The following CYP4F22 variants were observed in gnomAD, a reference collection of about 807,000 sequenced individuals.
CYP4F22 encodes cytochrome P450 family 4 subfamily F member 22, also known as ultra-long-chain fatty acid omega-hydroxylase.
CYP4F22 carries 37 observed loss-of-function variants against 60.4 expected under a neutral mutation model. That is an observed-to-expected ratio of 0.61 (90% CI 0.47 to 0.81). The LOEUF (loss-of-function observed/expected upper bound fraction) is 0.81, where lower values mean the gene tolerates loss of function less well. Ranked by LOEUF, CYP4F22 falls within the 30% of genes least tolerant of loss-of-function variation. The pLI is 0.00. For synonymous variants in CYP4F22, 258 were observed against 280.5 expected (o/e 0.92, Z 0.80); for missense variants, 655 against 715.0 (o/e 0.92, Z 0.96).
chr19:15,514,758 A>G (rs552426079), intron 1 of CYP4F22, among the ~76,000 whole-genome samples: 6 of 152,364 alleles, frequency 3.9e-5, no homozygotes, highest in African/African-American at 1.2e-4. Context: ...TACCAATAAA[A>G]AGGAAATAAT....
chr19:15,533,660 T>C (rs1372962287), intron 4 of CYP4F22, among the ~76,000 whole-genome samples: 1 of 146,112 alleles, frequency 6.8e-6, no homozygotes, highest in South Asian at 2.1e-4. Context: ...TGCAGTGGTG[T>C]AGCCATAACT....
At chr19:15,529,274 G>A (rs776095458) in intron 3 of CYP4F22, among the ~76,000 whole-genome samples, 2 of 151,738 alleles carry the variant, frequency 1.3e-5, no homozygotes, top group Non-Finnish European at 2.9e-5. Flanking sequence ...GATTACAGGC[G>A]CCCACCACCA....
intron 1 of CYP4F22, among the ~76,000 whole-genome samples, chr19:15,510,802 A>G (rs1393076672): frequency 1.4e-5 from 2 of 142,016 alleles, no homozygotes; most frequent in African/African-American, 5.3e-5. Flanking sequence ...TTAGAAATTT[A>G]GAGTGCTGAG....
At chr19:15,523,833 G>T (rs1024388559) in intron 2 of CYP4F22, 34 bp downstream of exon 2, 10 of 152,160 alleles carry the variant, frequency 6.6e-5, no homozygotes, top group African/African-American at 2.4e-4. Flanking sequence ...CACATGTTCA[G>T]AGTAGCATAT....
intron 1 of CYP4F22, chr19:15,516,570 G>A (rs544537721): frequency 6.2e-5 from 16 of 257,352 alleles, no homozygotes; most frequent in Middle Eastern, 2.5e-3. Context: ...GCCTTGCTGA[G>A]AAAACTTATT....
intron 7 of CYP4F22, among the ~76,000 whole-genome samples, chr19:15,538,840 T>C (rs1162723003): frequency 6.6e-6 from 1 of 152,124 alleles, no homozygotes; most frequent in Non-Finnish European, 1.5e-5. Context: ...AACACCATAT[T>C]CAACAAGAAA....
intron 1 of CYP4F22, among the ~76,000 whole-genome samples, chr19:15,520,071 G>C (rs561047573): frequency 2.6e-5 from 4 of 152,274 alleles, no homozygotes; most frequent in African/African-American, 9.6e-5. Context: ...TCAGCCCGGC[G>C]TGGTGGCTCA....
chr19:15,542,159 T>C, intron 8 of CYP4F22, among the ~76,000 whole-genome samples: 1 of 152,188 alleles, frequency 6.6e-6, no homozygotes, highest in East Asian at 1.9e-4. Context: ...TGAACTTCCT[T>C]CTTCTCCTCA....
At chr19:15,520,918 C>A (rs1359285826) in intron 1 of CYP4F22, among the ~76,000 whole-genome samples, 3 of 152,090 alleles carry the variant, frequency 2.0e-5, no homozygotes, top group Non-Finnish European at 2.9e-5. Flanking sequence ...CAGGTGCCCG[C>A]CACCACACCT....
chr19:15,551,594 A>C lies in CYP4F22; in HGVS notation c.*123A>C. On this transcript the variant is annotated 3_prime_UTR_variant, in exon 14 of 14. Transcript: ENST00000269703. Reference sequence around the variant, plus strand: ...GAAGTTCAGGTTCAGCTCCTGGATGACCAGGCACCGCTGTTGAGCAGCCTG... The same window carrying C: ...GAAGTTCAGGTTCAGCTCCTGGATGCCCAGGCACCGCTGTTGAGCAGCCTG... 1 of 1,228,696 alleles carries C rather than the reference A, an allele frequency of 8.1e-7. No individual in the cohort carries two copies. The allele number at this position is 1,228,696 out of a possible 1,614,324, so 76.1% of individuals were successfully genotyped here.
rs1971549548 is a variant in CYP4F22, at chr19:15,547,998, AGAGAGTGTGTGTGTGTGT to A, written c.1137-108_1137-91del. The A allele has an allele frequency of 9.8e-5, 31 of 317,638 alleles. 1 individual carries two copies. Among genetic ancestry groups the A allele is most frequent in the Middle Eastern group, 1.0e-3 (1 of 968 alleles). The allele number at this position is 317,638 out of a possible 1,614,324, so 19.7% of individuals were successfully genotyped here. A position where few individuals can be genotyped will look rare whatever the true frequency, so the allele number is the denominator to read the frequency against. On this transcript the variant is annotated intron_variant, in intron 10 of 13. Transcript: ENST00000269703. ...GAGAGAGAGAGAGAGAGAGAGAGGGAGAGAGTGTGTGTGTGTGTGTGTGTGTGTGTGTGTGTGTGTGTG... is the reference window on the plus strand; with the variant it reads ...GAGAGAGAGAGAGAGAGAGAGAGGGAGTGTGTGTGTGTGTGTGTGTGTGTG...
chr19:15,517,066 C>T (rs1168927772), intron 1 of CYP4F22, among the ~76,000 whole-genome samples: 4 of 152,184 alleles, frequency 2.6e-5, no homozygotes, highest in Non-Finnish European at 5.9e-5. Flanking sequence ...GGCAATCCGC[C>T]CACCTCAGCC....
chr19:15,540,150 G>A (rs189215765), intron 7 of CYP4F22, among the ~76,000 whole-genome samples: 34 of 152,074 alleles, frequency 2.2e-4, no homozygotes, highest in South Asian at 1.9e-3. Flanking sequence ...AAATATACCC[G>A]AGACTGGGTG....
chr19:15,544,732 C>A (rs987567777), intron 10 of CYP4F22, among the ~76,000 whole-genome samples: 2 of 152,132 alleles, frequency 1.3e-5, no homozygotes, highest in African/African-American at 4.8e-5. Flanking sequence ...CTTCTCAAGG[C>A]AGATTCCAGA....
Position 15,520,957 on chromosome 19 carries a change from C to T in CYP4F22, c.-108-2736C>T, listed in dbSNP as rs563384357. Among the ~76,000 whole-genome samples the T allele has an allele frequency of 1.4e-3, 209 of 151,864 alleles. 1 individual carries two copies. Among genetic ancestry groups the T allele is most frequent in the African/African-American group, 4.8e-3 (200 of 41,434 alleles). On this transcript the variant is annotated intron_variant, in intron 1 of 13. Transcript: ENST00000269703. ...TAATTTTTTGTATTTTTAGTAGAGA[C>T]GGGGTTTCACCATGTTAACCAGCAT...
chr19:15,515,550 C>T (rs1971143663), intron 1 of CYP4F22: 5 of 571,700 alleles, frequency 8.7e-6, no homozygotes, highest in Admixed American at 4.2e-5. Context: ...TATGGTGACA[C>T]CCCGTCTCTA....
chr19:15,538,134 T>A, intron 7 of CYP4F22, 141 bp downstream of exon 7: 1 of 1,168,930 alleles, frequency 8.6e-7, no homozygotes, highest in Non-Finnish European at 1.2e-6. Flanking sequence ...TCCGGGAAAC[T>A]GACCATCTCT....
At position 15,548,000 on chromosome 19, in the gene CYP4F22, AGAGTGTGT is replaced by A. The variant is rs1165062971; in HGVS notation, c.1137-106_1137-99del. 3.5e-4 allele frequency: 104 copies of A among 294,310 alleles called. 5 individuals carry two copies. Among genetic ancestry groups the A allele is most frequent in the African/African-American group, 2.2e-3 (34 of 15,752 alleles). 18.2% of individuals were successfully genotyped at this position (294,310 alleles called of 1,614,324 possible). On this transcript the variant is annotated intron_variant, in intron 10 of 13. Transcript: ENST00000269703. ...GAGAGAGAGAGAGAGAGAGAGGGAGAGAGTGTGTGTGTGTGTGTGTGTGTGTGTGTGTG... is the reference window on the plus strand; with the variant it reads ...GAGAGAGAGAGAGAGAGAGAGGGAGAGTGTGTGTGTGTGTGTGTGTGTGTG...
At chr19:15,534,958 G>A (rs939501) in intron 4 of CYP4F22, among the ~76,000 whole-genome samples, 3,804 of 152,202 alleles carry the variant, frequency 0.025, 156 homozygotes, top group African/African-American at 0.088. Flanking sequence ...AGTTAAGCAG[G>A]AACTGGACAG....
Sources: allele counts gnomAD v4.1 joint callset (sites outside exome capture counted in the v4.1 genomes callset), GRCh38; gene constraint gnomAD v4.1.1; transcripts MANE v1.5; gene names NCBI Gene and HGNC (gene_info 2026-07-23, HGNC 2026-07-21).